ANO5: variants seen among roughly 807,000 people sequenced by gnomAD.
ANO5 encodes the protein anoctamin-5.
Under a neutral mutation model 121.0 loss-of-function variants are expected in ANO5, and 109 were observed. That is an observed-to-expected ratio of 0.90 (90% CI 0.77 to 1.06). The LOEUF (loss-of-function observed/expected upper bound fraction) is 1.06. Ranked by LOEUF, ANO5 falls within the 50% of genes least tolerant of loss-of-function variation. The pLI, the probability that ANO5 is intolerant of heterozygous loss-of-function variation, is 0.00. For missense variants in ANO5, 1,064 were observed against 1,078.5 expected, an observed-to-expected ratio of 0.99 and a Z score of 0.19; for synonymous variants, 406 against 359.9, an observed-to-expected ratio of 1.13 and a Z score of -1.45.
intron 1 of ANO5, 81 bp downstream of exon 1, chr11:22,193,613 G>A: frequency 6.6e-7 from 1 of 1,520,340 alleles, no homozygotes; most frequent in Middle Eastern, 1.9e-4. Context: ...AGGCCCCGGG[G>A]GACGTTGGCG....
chr11:22,236,117 A>T (rs1452883559), intron 7 of ANO5, 46 bp from the exon 8 acceptor site: 3 of 1,251,426 alleles, frequency 2.4e-6, no homozygotes, highest in Non-Finnish European at 3.5e-6. Flanking sequence ...TGTGGAAAGC[A>T]TAAAGTTCTG....
rs1260445155 is a variant in ANO5 at position 22,218,194 on chromosome 11, T to C, written c.139-52T>C. The stretch of plus-strand genomic sequence containing the variant: ...TTGTCTTTGTCTTTTTTTTGGAATC[T>C]TTACTGTAATTCTGGGCAGGAAGTG... On this transcript the variant is annotated intron_variant, in intron 3 of 21. Transcript: ENST00000324559. 11 of 1,607,152 alleles carry C rather than the reference T, an allele frequency of 6.8e-6. No homozygotes were observed. The Admixed American group carries it at 1.5e-4, about 22-fold the overall frequency.
At chr11:22,259,889 TC>T (rs906510618) in intron 15 of ANO5, 148 bp downstream of exon 15, 1 of 768,716 alleles carries the variant, frequency 1.3e-6, no homozygotes, top group Admixed American at 2.1e-5. Flanking sequence ...ATCTGCTATT[TC>T]AAAATTGCTC....
chr11:22,274,497 A>G, intron 19 of ANO5, 72 bp from the exon 20 acceptor site: 1 of 1,325,310 alleles, frequency 7.5e-7, no homozygotes, highest in East Asian at 2.3e-5. Context: ...GTACTGAGAG[A>G]TGTACAAATC....
At chr11:22,226,167 C>A in intron 6 of ANO5, 115 bp downstream of exon 6, 1 of 830,792 alleles carries the variant, frequency 1.2e-6, no homozygotes. Context: ...GCTCTTTTGG[C>A]TACAGATATG....
chr11:22,260,365 A>G (rs939385799), intron 15 of ANO5, among the ~76,000 whole-genome samples: 34 of 152,244 alleles, frequency 2.2e-4, no homozygotes, highest in African/African-American at 8.2e-4. Context: ...GGAAACTCAA[A>G]TCAAGGCATC....
In ANO5 at chr11:22,193,224, A is replaced by C; in HGVS notation, c.-269A>C. The C allele has an allele frequency of 2.2e-6, 3 of 1,334,762 alleles. No individual in the cohort carries two copies. The highest frequency in any genetic ancestry group is 3.2e-5 in the East Asian group (1 of 31,594). 82.7% of individuals were successfully genotyped at this position (1,334,762 alleles called of 1,614,324 possible). On this transcript the variant is annotated 5_prime_UTR_variant, in exon 1 of 22. Transcript: ENST00000324559. ...CTGAGGGTGGGGAAGCGCAGGGCCA[A>C]GCGCGCGAAGCAGGTTGTGGGGGAC...
At chr11:22,271,560 TGTAA>T (rs2133783288) in intron 18 of ANO5, among the ~76,000 whole-genome samples, 1 of 152,348 alleles carries the variant, frequency 6.6e-6, no homozygotes, top group South Asian at 2.1e-4. Flanking sequence ...TTTTTAATTG[TGTAA>T]GTTTCAAATG....
chr11:22,211,311 A>G lies in ANO5; in HGVS notation c.135A>G (p.Thr45=). 6.2e-7 allele frequency: 1 copy of G among 1,612,086 alleles called. No homozygotes were observed. The highest frequency in any genetic ancestry group is 8.5e-7 in the Non-Finnish European group (1 of 1,178,568). Residue 45 remains threonine, a synonymous_variant, in exon 3 of 22, where the codon ACA becomes ACG. Transcript: ENST00000324559. The part of the protein sequence containing the change: ...RETSFLINEE[T]MPAKRFNLFL... ...CCAGCTTTCTCATCAATGAAGAAAC[A>G]ATGGTAAGCAGCGACCAGTACTATC... is the stretch of plus-strand genomic sequence containing the variant.
intron 21 of ANO5, 49 bp downstream of exon 21, chr11:22,276,248 C>A: frequency 1.4e-6 from 2 of 1,405,654 alleles, no homozygotes; most frequent in Non-Finnish European, 2.0e-6. Context: ...TCTCTTTAGG[C>A]AGATATTTCT....
chr11:22,194,575 A>G (rs1288322645), intron 1 of ANO5, among the ~76,000 whole-genome samples: 5 of 152,138 alleles, frequency 3.3e-5, no homozygotes, highest in Non-Finnish European at 5.9e-5. Context: ...CATCACCCCA[A>G]ATAGAAACCT....
At chr11:22,233,106 C>G (rs1853098134) in intron 7 of ANO5, among the ~76,000 whole-genome samples, 1 of 151,822 alleles carries the variant, frequency 6.6e-6, no homozygotes, top group Admixed American at 6.6e-5. Flanking sequence ...TGCTTTTATT[C>G]CAAGAAAAAA....
intron 1 of ANO5, 127 bp downstream of exon 1, chr11:22,193,659 T>C (rs990706227): frequency 8.1e-7 from 1 of 1,239,188 alleles, no homozygotes; most frequent in Non-Finnish European, 1.1e-6. Flanking sequence ...GTTCGCTGCG[T>C]GGCGTGCTCA....
intron 3 of ANO5, among the ~76,000 whole-genome samples, chr11:22,212,020 A>AT (rs1852294446): frequency 6.6e-6 from 1 of 150,862 alleles, no homozygotes; most frequent in South Asian, 2.1e-4. Context: ...TACATAAAGC[A>AT]TTTTACATGA....
intron 8 of ANO5, 108 bp downstream of exon 8, chr11:22,236,384 G>A: frequency 2.2e-6 from 2 of 922,158 alleles, no homozygotes; most frequent in Non-Finnish European, 3.5e-6. Flanking sequence ...TTCTCTCATG[G>A]TGGGAAAATC....
chr11:22,276,819 A>G (rs76044496), intron 21 of ANO5, among the ~76,000 whole-genome samples: 1,772 of 151,680 alleles, frequency 0.012, 49 homozygotes, highest in African/African-American at 0.039. Flanking sequence ...AAGAAGGCCT[A>G]TCAGGGAGAG....
chr11:22,270,895 G>A (rs1386852709), intron 18 of ANO5, among the ~76,000 whole-genome samples: 5 of 152,140 alleles, frequency 3.3e-5, no homozygotes, highest in African/African-American at 1.2e-4. Flanking sequence ...TTGTGTAAGG[G>A]AAATATAAGC....
At chr11:22,243,591 T>G (rs1010707552) in intron 9 of ANO5, among the ~76,000 whole-genome samples, 1 of 151,990 alleles carries the variant, frequency 6.6e-6, no homozygotes, top group African/African-American at 2.4e-5. Context: ...AATGATTAAA[T>G]TTCAAAACTT....
intron 2 of ANO5, among the ~76,000 whole-genome samples, chr11:22,204,865 C>G (rs1040492441): frequency 6.6e-6 from 1 of 151,978 alleles, no homozygotes; most frequent in Non-Finnish European, 1.5e-5. Flanking sequence ...CAAAGGAATA[C>G]AAATCATTCT....
Sources: allele counts gnomAD v4.1 joint callset (sites outside exome capture counted in the v4.1 genomes callset), GRCh38; gene constraint gnomAD v4.1.1; transcripts MANE v1.5; gene names NCBI Gene and HGNC (gene_info 2026-07-23, HGNC 2026-07-21).